SLC4A7: variants seen among roughly 807,000 people sequenced by gnomAD.
SLC4A7 encodes the protein solute carrier family 4 member 7, also known as sodium bicarbonate cotransporter 3.
Under a neutral mutation model 137.6 loss-of-function variants are expected in SLC4A7, and 51 were observed. The observed-to-expected ratio is 0.37, with a 90% CI of 0.30 to 0.47. SLC4A7 has a LOEUF of 0.47. SLC4A7 is among the 20% of genes least tolerant of loss of function. The pLI is 1.00. For missense variants in SLC4A7, 1,247 were observed against 1,525.4 expected, an observed-to-expected ratio of 0.82 and a Z score of 3.04; for synonymous variants, 542 against 518.6, an observed-to-expected ratio of 1.05 and a Z score of -0.61.
chr3:27,440,305 G>A (rs766687277), intron 3 of SLC4A7, among the ~76,000 whole-genome samples: 10 of 152,124 alleles, frequency 6.6e-5, no homozygotes, highest in Non-Finnish European at 1.2e-4. Flanking sequence ...CCTTCCTGAC[G>A]TCACTGTAGC....
chr3:27,382,282 A>AT (rs1370374047), intron 24 of SLC4A7, among the ~76,000 whole-genome samples: 1 of 151,722 alleles, frequency 6.6e-6, no homozygotes, highest in Non-Finnish European at 1.5e-5. Flanking sequence ...CACCCAGCTA[A>AT]TTTTTGTATT....
At position 27,469,227 on chromosome 3, in the gene SLC4A7, G is replaced by A. The variant is rs913933792; in HGVS notation, c.60+14840C>T. ...TAGAAGATGACTTCTATGACCAAATGTCAGGGGATTTCTCCCCACGAGCAA... is the reference window on the plus strand; with the variant it reads ...TAGAAGATGACTTCTATGACCAAATATCAGGGGATTTCTCCCCACGAGCAA... On this transcript the variant is annotated intron_variant, in intron 1 of 25. Coordinates refer to ENST00000454389, the MANE Select transcript of SLC4A7 (RefSeq NM_001321103.2). Among the ~76,000 whole-genome samples the A allele has an allele frequency of 3.3e-5, 5 of 152,134 alleles. No homozygotes were observed. The South Asian group carries it at 8.3e-4, about 25-fold the overall frequency.
intron 15 of SLC4A7, among the ~76,000 whole-genome samples, 176 bp downstream of exon 15, chr3:27,402,963 T>C (rs2052937239): frequency 6.6e-6 from 1 of 152,150 alleles, no homozygotes; most frequent in Non-Finnish European, 1.5e-5. Flanking sequence ...AACTATATTT[T>C]TGTTCATTGA....
At chr3:27,447,594 GCTAA>G (rs2057754397) in intron 3 of SLC4A7, among the ~76,000 whole-genome samples, 1 of 147,508 alleles carries the variant, frequency 6.8e-6, no homozygotes, top group Non-Finnish European at 1.5e-5. Context: ...TGCCCTGTAT[GCTAA>G]CTAAGTATAA....
In SLC4A7 at chr3:27,395,046, C is replaced by A; in HGVS notation, c.2773G>T (p.Ala925Ser). Residue 925 changes from alanine (A) to serine (S), a missense_variant, in exon 19 of 26, where the codon GCT becomes TCT. By Grantham distance (99) the Ala-to-Ser change is moderately conservative. Coordinates refer to ENST00000454389, the MANE Select transcript of SLC4A7 (RefSeq NM_001321103.2). ...GDNPWWTLLI[A>S]AIPALLCTIL... ...GTACAAAGCAAAGCAGGAATAGCAG[C>A]TATTAATAAGGTCCACCAAGGATTA... is the stretch of plus-strand genomic sequence containing the variant. 1 of 1,612,902 alleles carries A rather than the reference C, an allele frequency of 6.2e-7. No individual in the cohort carries two copies. Among genetic ancestry groups the A allele is most frequent in the Non-Finnish European group, 8.5e-7 (1 of 1,179,354 alleles).
intron 3 of SLC4A7, 85 bp from the exon 4 acceptor site, chr3:27,437,611 T>C (rs867292691): frequency 1.3e-6 from 1 of 765,132 alleles, no homozygotes; most frequent in Non-Finnish European, 1.9e-6. Context: ...ATGAAACACT[T>C]TTGTTACCTG....
intron 23 of SLC4A7, 35 bp from the exon 24 acceptor site, chr3:27,383,285 CAGAATATTTTCCA>C: frequency 7.1e-7 from 1 of 1,415,180 alleles, no homozygotes; most frequent in Admixed American, 1.8e-5. Context: ...TTACTTTTCC[CAGAATATTTTCCA>C]AGAGAATTGA....
chr3:27,434,109 T>A lies in SLC4A7; in HGVS notation c.590-5A>T, dbSNP rs1424352756. On this transcript the variant is annotated splice_region_variant and splice_polypyrimidine_tract_variant and intron_variant, in intron 5 of 25. Coordinates refer to ENST00000454389, the MANE Select transcript of SLC4A7 (RefSeq NM_001321103.2). ...TCATGTTGTCTAATACCATATCTAT[T>A]CAATGAAAAAAAAAATAAATTACTA... The A allele has an allele frequency of 1.9e-6, 3 of 1,574,718 alleles. No individual in the cohort carries two copies. The highest frequency in any genetic ancestry group is 3.9e-5 in the Admixed American group (2 of 51,802).
In SLC4A7 at chr3:27,431,519, G is replaced by T. The variant is rs374685577; in HGVS notation, c.929C>A (p.Thr310Asn). 2.5e-6 allele frequency: 4 copies of T among 1,614,002 alleles called. No individual in the cohort carries two copies. Among genetic ancestry groups the T allele is most frequent in the East Asian group, 4.5e-5 (2 of 44,878 alleles). The change falls in exon 7 of 26, where the codon ACC becomes AAC. Residue 310 changes from threonine (T) to asparagine (N), a missense_variant. By Grantham distance (65) the Thr-to-Asn change is moderately conservative. This residue lies in a region of SLC4A7 where 223 missense variants were observed against 203.6 expected (regional missense o/e 1.10). Transcript: ENST00000454389. ...ACTGTTTTGAGGGGTGGGTACTGGG[G>T]TTGTACACCTTGAGCCTGCAGGGGT... is the stretch of plus-strand genomic sequence containing the variant. The part of the protein sequence containing the change: ...AGTPAGSRCT[T>N]PVPTPQNSPP...
In SLC4A7 at chr3:27,431,548, A is replaced by G; in HGVS notation, c.900T>C (p.Ala300=). ...TACACCTTGAGCCTGCAGGGGTTCC[A>G]GCTCTTGAAGAAGGAAGAAGATGAC... ...LLGHLLPSSR[A]GTPAGSRCTT... Residue 300 remains alanine (A), a synonymous_variant, in exon 7 of 26, where the codon GCT becomes GCC. Transcript: ENST00000454389. 6.2e-7 allele frequency: 1 copy of G among 1,614,172 alleles called. No homozygotes were observed. The highest frequency in any genetic ancestry group is 8.5e-7 in the Non-Finnish European group (1 of 1,180,002).
intron 3 of SLC4A7, among the ~76,000 whole-genome samples, chr3:27,445,277 CA>C (rs752987095): frequency 4.7e-4 from 71 of 152,210 alleles, no homozygotes; most frequent in Non-Finnish European, 6.6e-4. Context: ...GAGTACTCTC[CA>C]CTCTCTTGAA....
rs375331583 is a variant in SLC4A7, at chr3:27,385,891, C to T, written c.3492+1G>A. Reference sequence around the variant, plus strand: ...TAAGTTTAAAATTGTTATCTTTTTACCTCTTTCTCTTTTTTCTTTTTGTCA... The same window carrying T: ...TAAGTTTAAAATTGTTATCTTTTTATCTCTTTCTCTTTTTTCTTTTTGTCA... On this transcript the variant is annotated splice_donor_variant, in intron 23 of 25. Coordinates refer to ENST00000454389, the MANE Select transcript of SLC4A7 (RefSeq NM_001321103.2). LOFTEE classifies it high-confidence loss of function. 1.3e-6 allele frequency: 2 copies of T among 1,538,102 alleles called. No individual in the cohort carries two copies. Among genetic ancestry groups the T allele is most frequent in the African/African-American group, 1.4e-5 (1 of 72,062 alleles).
intron 1 of SLC4A7, among the ~76,000 whole-genome samples, chr3:27,483,453 C>T (rs529073011): frequency 6.6e-6 from 1 of 152,346 alleles, no homozygotes; most frequent in African/African-American, 2.4e-5. Flanking sequence ...GCGGACCCGG[C>T]AGGCAACAGC....
intron 16 of SLC4A7, among the ~76,000 whole-genome samples, chr3:27,399,692 A>G (rs1052796565): frequency 5.3e-5 from 8 of 152,190 alleles, no homozygotes; most frequent in African/African-American, 7.2e-5. Context: ...TTGTCCTCCC[A>G]GAGTGCTATG....
intron 1 of SLC4A7, among the ~76,000 whole-genome samples, chr3:27,477,541 TACC>T (rs371731462): frequency 6.6e-6 from 1 of 152,222 alleles, no homozygotes; most frequent in African/African-American, 2.4e-5. Context: ...TGTTTGGCAA[TACC>T]ACGTAATATT....
chr3:27,387,848 C>T (rs2051128887), intron 22 of SLC4A7, among the ~76,000 whole-genome samples: 1 of 152,142 alleles, frequency 6.6e-6, no homozygotes, highest in Non-Finnish European at 1.5e-5. Context: ...CAGGATTCCC[C>T]GCTGGAGGCT....
intron 1 of SLC4A7, among the ~76,000 whole-genome samples, chr3:27,482,196 G>A (rs1193233748): frequency 1.3e-5 from 2 of 152,122 alleles, no homozygotes; most frequent in African/African-American, 4.8e-5. Context: ...ACAGTAAATA[G>A]TGTAAATAAT....
intron 11 of SLC4A7, among the ~76,000 whole-genome samples, chr3:27,414,853 T>C (rs370463821): frequency 4.6e-4 from 70 of 152,320 alleles, no homozygotes; most frequent in Non-Finnish European, 7.5e-4. Flanking sequence ...TTTTTTGCCA[T>C]ATACACAATT....
chr3:27,375,357 CA>C lies in SLC4A7; in HGVS notation c.*1406del, dbSNP rs974610792. ...TGATTTTTGTAAATTATTCTCTTGT[CA>C]AATCAGTTTCACAACCCCATTCATC... On this transcript the variant is annotated 3_prime_UTR_variant, in exon 26 of 26. Transcript: ENST00000454389. The C allele has an allele frequency of 1.3e-5, 2 of 152,090 alleles. No homozygotes were observed. The highest frequency in any genetic ancestry group is 4.8e-5 in the African/African-American group (2 of 41,394). 9.4% of individuals were successfully genotyped at this position (152,090 alleles called of 1,614,324 possible). A position where few individuals can be genotyped will look rare whatever the true frequency, so the allele number is the denominator to read the frequency against.
Sources: gnomAD v4.1 joint callset for allele counts (sites outside exome capture counted in the v4.1 genomes callset) on GRCh38, gnomAD v4.1.1 for gene constraint, gnomAD v4.1.1 regional missense constraint, MANE v1.5 for transcripts, NCBI Gene and HGNC (gene_info 2026-07-23, HGNC 2026-07-21) for gene names.